The following TBL1X variants were observed in gnomAD, a reference collection of about 807,000 sequenced individuals.
TBL1X encodes transducin beta like 1 X-linked.
TBL1X carries 10 observed loss-of-function variants against 50.7 expected under a neutral mutation model. The observed-to-expected ratio is 0.20, with a 90% CI of 0.12 to 0.33. The LOEUF (loss-of-function observed/expected upper bound fraction) is 0.33, where lower values mean the gene tolerates loss of function less well. TBL1X is among the 10% of genes least tolerant of loss of function. TBL1X has a pLI of 1.00. For missense variants in TBL1X, 340 were observed against 504.4 expected (o/e 0.67, Z 3.12); for synonymous variants, 190 against 214.7 (o/e 0.88, Z 1.01).
intron 2 of TBL1X, among the ~76,000 whole-genome samples, chrX:9,600,474 G>C (rs925286649): frequency 5.1e-5 from 4 of 78,195 alleles, no homozygotes; most frequent in African/African-American, 1.0e-4. Flanking sequence ...GTGGGCGGGG[G>C]GGGGGGTACA....
intron 12 of TBL1X, among the ~76,000 whole-genome samples, chrX:9,699,040 G>C (rs186251756): frequency 1.5e-3 from 165 of 111,834 alleles, no homozygotes; most frequent in Non-Finnish European, 2.5e-3. Context: ...GAGTGCAGTG[G>C]TGCGATCTCA....
intron 2 of TBL1X, among the ~76,000 whole-genome samples, chrX:9,616,437 A>G (rs1362967555): frequency 8.9e-5 from 10 of 111,864 alleles, no homozygotes. Flanking sequence ...TACTTTTGCC[A>G]ATTAAAAGAC....
At chrX:9,538,929 G>A (rs1330822138) in intron 2 of TBL1X, among the ~76,000 whole-genome samples, 1 of 112,799 alleles carries the variant, frequency 8.9e-6, no homozygotes, top group Non-Finnish European at 1.9e-5. Flanking sequence ...CCTCAGGGCA[G>A]TGCAGCAGAT....
intron 2 of TBL1X, among the ~76,000 whole-genome samples, chrX:9,618,932 T>A (rs949955390): frequency 5.4e-5 from 6 of 111,809 alleles, no homozygotes; most frequent in African/African-American, 1.6e-4. Flanking sequence ...TGTTGTAGGT[T>A]CAGAGTTTAG....
chrX:9,615,389 A>C (rs958752261), intron 2 of TBL1X, among the ~76,000 whole-genome samples: 1 of 111,768 alleles, frequency 8.9e-6, no homozygotes, highest in Admixed American at 9.5e-5. Context: ...TTAAAAGATA[A>C]AGGGGAAGAA....
At chrX:9,651,699 C>A (rs889647603) in intron 3 of TBL1X, among the ~76,000 whole-genome samples, 1 of 112,258 alleles carries the variant, frequency 8.9e-6, no homozygotes, top group African/African-American at 3.2e-5. Context: ...TTTGAGAGAC[C>A]TCTCCAGAGT....
In TBL1X at chrX:9,691,513, A is replaced by G. The variant is rs371911907; in HGVS notation, c.617-66A>G. 4,075 of 1,120,121 alleles carry G rather than the reference A, an allele frequency of 3.6e-3. 9 individuals are homozygous for G. The highest frequency in any genetic ancestry group is 4.6e-3 in the Non-Finnish European group (3,865 of 836,542). 92.3% of individuals were successfully genotyped at this position (1,120,121 alleles called of 1,213,427 possible). On this transcript the variant is annotated intron_variant, in intron 7 of 17. Coordinates refer to ENST00000645353, the MANE Select transcript of TBL1X (RefSeq NM_005647.4). ...TAAAAAAAATGTTTCTGGAAACAAA[A>G]GAGCCCTTTAAGTGTGTTTCTCTTG...
chrX:9,521,978 T>G (rs1182681189), intron 2 of TBL1X, among the ~76,000 whole-genome samples: 1 of 110,569 alleles, frequency 9.0e-6, no homozygotes, highest in Non-Finnish European at 1.9e-5. Context: ...TAAATTTTAT[T>G]CCTTTTAAAT....
chrX:9,531,555 A>G (rs762777692), intron 2 of TBL1X, among the ~76,000 whole-genome samples: 1 of 110,764 alleles, frequency 9.0e-6, no homozygotes, highest in East Asian at 2.8e-4. Context: ...TAATTGAGAG[A>G]AAATAACAAC....
intron 2 of TBL1X, among the ~76,000 whole-genome samples, chrX:9,536,101 C>T (rs1196923910): frequency 8.9e-6 from 1 of 111,797 alleles, no homozygotes; most frequent in African/African-American, 3.3e-5. Context: ...AGGCAGTCTT[C>T]TGTCCTGTGA....
intron 2 of TBL1X, among the ~76,000 whole-genome samples, chrX:9,519,225 A>G (rs1373113260): frequency 9.0e-6 from 1 of 111,508 alleles, no homozygotes; most frequent in Non-Finnish European, 1.9e-5. Flanking sequence ...CTTCATATAT[A>G]TACACATATA....
At chrX:9,484,497 C>T (rs1246123829) in intron 1 of TBL1X, among the ~76,000 whole-genome samples, 1 of 111,104 alleles carries the variant, frequency 9.0e-6, no homozygotes, top group African/African-American at 3.3e-5. Flanking sequence ...ATTTATATTA[C>T]TGAAATCATA....
intron 2 of TBL1X, among the ~76,000 whole-genome samples, chrX:9,593,454 G>T (rs1318073330): frequency 4.5e-5 from 5 of 110,539 alleles, no homozygotes; most frequent in Non-Finnish European, 3.8e-5. Context: ...AATAGCCTCT[G>T]TATTGAAGAA....
chrX:9,627,832 T>C, intron 2 of TBL1X, among the ~76,000 whole-genome samples: 1 of 112,481 alleles, frequency 8.9e-6, no homozygotes, highest in Middle Eastern at 4.2e-3. Context: ...GCCTAGATTG[T>C]TCACTTACAC....
chrX:9,518,510 G>T lies in TBL1X; in HGVS notation c.-131+16661G>T, dbSNP rs2082091805. 2.7e-5 allele frequency among the ~76,000 whole-genome samples: 3 copies of T among 112,171 alleles called. No homozygotes were observed. The South Asian group carries it at 1.1e-3, about 41-fold the overall frequency. ...TCCCAGTTAAAGTGCCAATAGTCCT[G>T]GGAGAGGTAATACATTAAACCTTAT... On this transcript the variant is annotated intron_variant, in intron 2 of 17. Coordinates refer to ENST00000645353, the MANE Select transcript of TBL1X (RefSeq NM_005647.4).
chrX:9,702,305 G>C (rs1298834209), intron 12 of TBL1X, among the ~76,000 whole-genome samples: 3 of 109,119 alleles, frequency 2.7e-5, no homozygotes, highest in Non-Finnish European at 1.9e-5. Context: ...AGCCAGGCTT[G>C]GTGGCGTGCA....
intron 3 of TBL1X, among the ~76,000 whole-genome samples, chrX:9,642,774 C>G (rs746967107): frequency 4.4e-5 from 5 of 112,685 alleles, no homozygotes; most frequent in Non-Finnish European, 9.4e-5. Flanking sequence ...CTGCTGTACT[C>G]TGCCATTGCA....
Position 9,716,545 on chromosome X carries a change from C to G in TBL1X, c.*299C>G, listed in dbSNP as rs1358764057. 9.7e-6 allele frequency: 2 copies of G among 206,328 alleles called. No homozygotes were observed. The highest frequency in any genetic ancestry group is 3.0e-5 in the African/African-American group (1 of 33,766). The allele number at this position is 206,328 out of a possible 1,213,427, so 17.0% of individuals were successfully genotyped here. ...CGAGGCGTGTGGATTGGTTTCCACC[C>G]GGAACAGGCTCTGTGATGGCTGAAT... On this transcript the variant is annotated 3_prime_UTR_variant, in exon 18 of 18. Coordinates refer to ENST00000645353, the MANE Select transcript of TBL1X (RefSeq NM_005647.4).
chrX:9,688,276 G>C lies in TBL1X; in HGVS notation c.616+1G>C. Reference sequence around the variant, plus strand: ...GAAGAGAACAGAGCACATTCAGTCAGTGAGTGCAGGGGCTCTGGGAGTTCG... The same window carrying C: ...GAAGAGAACAGAGCACATTCAGTCACTGAGTGCAGGGGCTCTGGGAGTTCG... On this transcript the variant is annotated splice_donor_variant, in intron 7 of 17. Coordinates refer to ENST00000645353, the MANE Select transcript of TBL1X (RefSeq NM_005647.4). LOFTEE classifies it high-confidence loss of function. The C allele has an allele frequency of 8.5e-7, 1 of 1,172,353 alleles. No individual in the cohort carries two copies. Among genetic ancestry groups the C allele is most frequent in the Non-Finnish European group, 1.1e-6 (1 of 871,782 alleles).
Sources: allele counts gnomAD v4.1 joint callset (sites outside exome capture counted in the v4.1 genomes callset), GRCh38; gene constraint gnomAD v4.1.1; transcripts MANE v1.5; gene names NCBI Gene and HGNC (gene_info 2026-07-23, HGNC 2026-07-21).